The following LAMA2 variants were observed in gnomAD, a reference collection of about 807,000 sequenced individuals.
LAMA2 encodes laminin subunit alpha 2.
Under a neutral mutation model 364.8 loss-of-function variants are expected in LAMA2, and 269 were observed. The observed-to-expected ratio is 0.74, with a 90% CI of 0.67 to 0.82. The LOEUF (loss-of-function observed/expected upper bound fraction) is 0.82. Ranked by LOEUF, LAMA2 falls within the 40% of genes least tolerant of loss-of-function variation. The pLI, the probability that LAMA2 is intolerant of heterozygous loss-of-function variation, is 0.00. For synonymous variants in LAMA2, 1,379 were observed against 1,370.6 expected (o/e 1.01, Z -0.14); for missense variants, 3,807 against 3,873.2 (o/e 0.98, Z 0.45).
intron 12 of LAMA2, among the ~76,000 whole-genome samples, chr6:129,199,901 A>G (rs572105138): frequency 6.6e-6 from 1 of 152,038 alleles, no homozygotes; most frequent in East Asian, 2.0e-4. Context: ...CAACATGGCA[A>G]AACCCTGTCT....
chr6:129,111,742 G>T (rs995777760), intron 4 of LAMA2, among the ~76,000 whole-genome samples: 15 of 151,934 alleles, frequency 9.9e-5, no homozygotes, highest in Non-Finnish European at 7.4e-5. Context: ...TTTTGTGAAG[G>T]CCTTTTCTTT....
chr6:129,439,189 C>G (rs1241029433), intron 42 of LAMA2, among the ~76,000 whole-genome samples: 1 of 151,754 alleles, frequency 6.6e-6, no homozygotes, highest in African/African-American at 2.4e-5. Context: ...TTTATAATAC[C>G]TAATATAATG....
chr6:129,009,369 C>T (rs951708360), intron 1 of LAMA2, among the ~76,000 whole-genome samples: 1 of 151,850 alleles, frequency 6.6e-6, no homozygotes, highest in Non-Finnish European at 1.5e-5. Context: ...AAAAAAGCTT[C>T]AAAATTTTGG....
intron 1 of LAMA2, among the ~76,000 whole-genome samples, chr6:128,907,925 G>T (rs1441411017): frequency 6.6e-6 from 1 of 152,074 alleles, no homozygotes; most frequent in Non-Finnish European, 1.5e-5. Flanking sequence ...CTGTTTATAT[G>T]CTGGATTACA....
intron 49 of LAMA2, among the ~76,000 whole-genome samples, chr6:129,462,037 G>C (rs1252279153): frequency 1.3e-5 from 2 of 151,936 alleles, no homozygotes; most frequent in African/African-American, 4.8e-5. Context: ...CTTGACCTGA[G>C]GTAAGAGTCC....
At chr6:129,285,524 A>C (rs942773222) in intron 18 of LAMA2, among the ~76,000 whole-genome samples, 2 of 152,160 alleles carry the variant, frequency 1.3e-5, no homozygotes, top group Non-Finnish European at 2.9e-5. Context: ...ATATAAAGCT[A>C]TCTCTCCAAA....
In LAMA2 at chr6:129,287,156, G is replaced by A. The variant is rs557720905; in HGVS notation, c.2538-691G>A. 6.0e-5 allele frequency among the ~76,000 whole-genome samples: 9 copies of A among 149,092 alleles called. No homozygotes were observed. In the South Asian group the frequency reaches 1.9e-3, roughly 31 times the overall value. On this transcript the variant is annotated intron_variant, in intron 18 of 64. Transcript: ENST00000421865. Reference sequence around the variant, plus strand: ...GAAAGGAAGAAAGGGAGAAAGACCTGGAGTTTGCTAATAGAGTTGGCAGGC... The same window carrying A: ...GAAAGGAAGAAAGGGAGAAAGACCTAGAGTTTGCTAATAGAGTTGGCAGGC...
intron 44 of LAMA2, 76 bp from the exon 45 acceptor site, chr6:129,445,591 A>G: frequency 1.6e-6 from 2 of 1,247,982 alleles, no homozygotes; most frequent in Admixed American, 3.4e-5. Flanking sequence ...TGTTTGGTTA[A>G]GCATACTGCT....
intron 3 of LAMA2, among the ~76,000 whole-genome samples, chr6:129,063,961 G>C (rs1789111091): frequency 6.6e-6 from 1 of 152,012 alleles, no homozygotes; most frequent in African/African-American, 2.4e-5. Flanking sequence ...AAAATACGTG[G>C]AAATACTTTA....
chr6:129,486,562 C>T lies in LAMA2; in HGVS notation c.7838C>T (p.Pro2613Leu), dbSNP rs1784596010. 1 of 1,613,938 alleles carries T rather than the reference C, an allele frequency of 6.2e-7. No individual in the cohort carries two copies. The highest frequency in any genetic ancestry group is 8.5e-7 in the Non-Finnish European group (1 of 1,179,880). Residue 2613 changes from proline to leucine, a missense_variant, in exon 56 of 65, where the codon CCA becomes CTA. Coordinates refer to ENST00000421865, the MANE Select transcript of LAMA2 (RefSeq NM_000426.4). ...ACAATGAGGAAAATTGTGATCAGACCAGAGCCGAATCTGTTTCATGATGGA... is the reference window on the plus strand; with the variant it reads ...ACAATGAGGAAAATTGTGATCAGACTAGAGCCGAATCTGTTTCATGATGGA... ...ARTMRKIVIR[P>L]EPNLFHDGRE...
In LAMA2 at chr6:128,883,841, T is replaced by C. The variant is rs868220156; in HGVS notation, c.112+484T>C. On this transcript the variant is annotated intron_variant, in intron 1 of 64. Coordinates refer to ENST00000421865, the MANE Select transcript of LAMA2 (RefSeq NM_000426.4). ...ACACACACACACACACACACATATA[T>C]ATATATATAAAGTTTTACAGAACTT... Among the ~76,000 whole-genome samples, 942 of 147,076 alleles carry C rather than the reference T, an allele frequency of 6.4e-3. 16 individuals carry two copies. Among genetic ancestry groups the C allele is most frequent in the African/African-American group, 0.024 (891 of 37,586 alleles).
intron 1 of LAMA2, among the ~76,000 whole-genome samples, chr6:129,041,006 A>G (rs1448480915): frequency 6.6e-6 from 1 of 152,220 alleles, no homozygotes; most frequent in African/African-American, 2.4e-5. Context: ...ATCTTTAATA[A>G]TAAAATTTTC....
chr6:129,307,331 C>T (rs891107054), intron 22 of LAMA2, among the ~76,000 whole-genome samples: 1 of 152,196 alleles, frequency 6.6e-6, no homozygotes, highest in Admixed American at 6.5e-5. Context: ...ATGCCATTTT[C>T]CTTCATCCCA....
At chr6:129,047,490 C>T (rs1283870513) in intron 1 of LAMA2, among the ~76,000 whole-genome samples, 1 of 152,084 alleles carries the variant, frequency 6.6e-6, no homozygotes, top group Non-Finnish European at 1.5e-5. Context: ...AAGAAAAACA[C>T]AAGGCAGGAG....
chr6:129,135,556 G>A (rs1028922698), intron 4 of LAMA2, among the ~76,000 whole-genome samples: 1 of 152,218 alleles, frequency 6.6e-6, no homozygotes, highest in Non-Finnish European at 1.5e-5. Context: ...ACAAGATCTT[G>A]TGTATTGTAA....
intron 4 of LAMA2, among the ~76,000 whole-genome samples, chr6:129,111,831 G>A (rs1271509620): frequency 6.6e-6 from 1 of 151,920 alleles, no homozygotes; most frequent in Non-Finnish European, 1.5e-5. Context: ...AGGGAAGGGG[G>A]GAATAGCAAA....
chr6:129,320,336 A>T (rs553768626), intron 27 of LAMA2, among the ~76,000 whole-genome samples: 1 of 152,230 alleles, frequency 6.6e-6, no homozygotes, highest in African/African-American at 2.4e-5. Flanking sequence ...TCCCCGTACA[A>T]GTGAACCCAT....
At chr6:129,099,241 A>G (rs1382122145) in intron 4 of LAMA2, among the ~76,000 whole-genome samples, 1 of 150,904 alleles carries the variant, frequency 6.6e-6, no homozygotes, top group Admixed American at 6.6e-5. Context: ...CTTACCTCAT[A>G]TAATTGTCAA....
chr6:129,178,946 A>G (rs757704014), intron 10 of LAMA2, among the ~76,000 whole-genome samples: 16 of 152,218 alleles, frequency 1.1e-4, no homozygotes, highest in African/African-American at 3.9e-4. Flanking sequence ...ATTTTGAACT[A>G]CTGAAATAAT....
Sources: gnomAD v4.1 joint callset for allele counts (sites outside exome capture counted in the v4.1 genomes callset) on GRCh38, gnomAD v4.1.1 for gene constraint, MANE v1.5 for transcripts, NCBI Gene and HGNC (gene_info 2026-07-23, HGNC 2026-07-21) for gene names.